FCSK: variants seen among roughly 807,000 people sequenced by gnomAD.
FCSK encodes the protein fucose kinase.
FCSK carries 123 observed loss-of-function variants against 122.5 expected under a neutral mutation model. That is an observed-to-expected ratio of 1.00 (90% CI 0.87 to 1.17). The LOEUF (loss-of-function observed/expected upper bound fraction) is 1.17. Among genes scored for constraint, FCSK ranks in the 50% most tolerant of loss-of-function variants. FCSK has a pLI of 0.00. For synonymous variants in FCSK, 620 were observed against 625.5 expected (o/e 0.99, Z 0.13); for missense variants, 1,366 against 1,450.4 (o/e 0.94, Z 0.95).
chr16:70,460,249 C>A (rs989841934), intron 1 of FCSK, among the ~76,000 whole-genome samples: 5 of 151,166 alleles, frequency 3.3e-5, no homozygotes, highest in African/African-American at 1.2e-4. Context: ...GTAGCTGGGA[C>A]TACAGGCACC....
chr16:70,472,254 T>C (rs1361074138), intron 13 of FCSK, among the ~76,000 whole-genome samples: 1 of 152,116 alleles, frequency 6.6e-6, no homozygotes, highest in Non-Finnish European at 1.5e-5. Flanking sequence ...GGCGGGAGTG[T>C]TGGGGCTGCA....
chr16:70,459,925 C>T (rs577897271), intron 1 of FCSK, among the ~76,000 whole-genome samples: 13 of 151,530 alleles, frequency 8.6e-5, no homozygotes, highest in Non-Finnish European at 1.8e-4. Flanking sequence ...TCTCAGCCTC[C>T]CAAGTAGCTG....
At chr16:70,467,021 T>G in intron 6 of FCSK, 67 bp downstream of exon 6, 2 of 1,475,074 alleles carry the variant, frequency 1.4e-6, no homozygotes, top group Non-Finnish European at 1.9e-6. Flanking sequence ...AGCTCTGCCC[T>G]TCTTGCCCAC....
chr16:70,468,322 A>G (rs535877834), intron 8 of FCSK, among the ~76,000 whole-genome samples: 26 of 152,334 alleles, frequency 1.7e-4, no homozygotes, highest in African/African-American at 6.0e-4. Context: ...TGAGAGGTAG[A>G]GGCTCGAGAA....
At chr16:70,470,513 G>A (rs1423700922) in intron 11 of FCSK, 87 bp downstream of exon 11, 2 of 816,736 alleles carry the variant, frequency 2.4e-6, no homozygotes, top group African/African-American at 3.4e-5. Context: ...GCCGGCACTT[G>A]GAACAGATGA....
chr16:70,471,424 C>A, intron 13 of FCSK, 72 bp downstream of exon 13: 2 of 1,437,044 alleles, frequency 1.4e-6, no homozygotes, highest in Admixed American at 2.2e-5. Context: ...CTGGCCCCCA[C>A]CCCACTGCGG....
chr16:70,477,185 A>AT (rs555886327), intron 20 of FCSK, among the ~76,000 whole-genome samples: 16 of 151,760 alleles, frequency 1.1e-4, no homozygotes, highest in East Asian at 3.9e-4. Context: ...GTTATTTTTA[A>AT]TTTTTTTTTA....
intron 5 of FCSK, chr16:70,466,661 C>T: frequency 1.7e-6 from 1 of 575,394 alleles, no homozygotes; most frequent in Non-Finnish European, 3.1e-6. Context: ...CGCACTACTG[C>T]ACTCCAGCCT....
At position 70,473,730 on chromosome 16, in the gene FCSK, G is replaced by C. The variant is rs932762387; in HGVS notation, c.1777+377G>C. ...TGCATGAGGTCCCAAGCACACTTCC[G>C]GGGGCTCACAGCCTTAGCCTCCTAG... On this transcript the variant is annotated intron_variant, in intron 15 of 23. Transcript: ENST00000288078. This position sits in a 1 kb window ranked among gnomAD's most constrained non-coding sequence, Gnocchi z 4.9. 1.3e-5 allele frequency among the ~76,000 whole-genome samples: 2 copies of C among 152,168 alleles called. No individual in the cohort carries two copies. The highest frequency in any genetic ancestry group is 6.5e-5 in the Admixed American group (1 of 15,276).
At chr16:70,458,950 T>A (rs2048177165) in intron 1 of FCSK, among the ~76,000 whole-genome samples, 1 of 151,726 alleles carries the variant, frequency 6.6e-6, no homozygotes, top group African/African-American at 2.4e-5. Flanking sequence ...TTAATTAAAT[T>A]TAAAAATAAA....
intron 1 of FCSK, among the ~76,000 whole-genome samples, chr16:70,462,760 T>C (rs1482104805): frequency 6.6e-6 from 1 of 152,056 alleles, no homozygotes; most frequent in Non-Finnish European, 1.5e-5. Flanking sequence ...TTCTCCTGCT[T>C]CAGCCTCCCG....
rs749341261 is a variant in FCSK at position 70,478,586 on chromosome 16, T to C, written c.2865T>C (p.Ala955=). Residue 955 remains alanine (A), a synonymous_variant, in exon 22 of 24, where the codon GCT becomes GCC. Transcript: ENST00000288078. ...VLRSWYARLP[A]VVQNAHSLVR... is the part of the protein sequence containing the mutation. ...GGAGCTGGTATGCCCGACTTCCTGC[T>C]GTGGTGCAGAATGCCCACAGCCTGG... 6.2e-7 allele frequency: 1 copy of C among 1,613,814 alleles called. No individual in the cohort carries two copies. The highest frequency in any genetic ancestry group is 1.7e-5 in the Admixed American group (1 of 60,022).
chr16:70,475,359 T>C lies in FCSK; in HGVS notation c.2387T>C (p.Leu796Pro), dbSNP rs756099434. ...GCCTGTCCTTCTGCAGGGGCCCTGC[T>C]GAAGGCGGCCTTCATCTGTGCAGGG... ...YCQPHAPGAL[L>P]KAAFICAGIV... The change falls in exon 19 of 24, where the codon CTG (leucine) becomes CCG (proline). Residue 796 changes from leucine to proline, a missense_variant. Leu to Pro is a moderately conservative substitution (Grantham distance 98, BLOSUM62 -3). Coordinates refer to ENST00000288078, the MANE Select transcript of FCSK (RefSeq NM_145059.3). 1.2e-6 allele frequency: 2 copies of C among 1,610,400 alleles called. No individual in the cohort carries two copies. Among genetic ancestry groups the C allele is most frequent in the Admixed American group, 1.7e-5 (1 of 60,012 alleles).
intron 1 of FCSK, among the ~76,000 whole-genome samples, chr16:70,456,734 G>A (rs896028549): frequency 2.0e-5 from 3 of 152,162 alleles, no homozygotes; most frequent in Admixed American, 6.6e-5. Flanking sequence ...GAGAGGTTAA[G>A]TAACTGCTGG....
intron 20 of FCSK, among the ~76,000 whole-genome samples, chr16:70,476,944 C>T (rs1044004512): frequency 6.6e-6 from 1 of 152,202 alleles, no homozygotes; most frequent in Non-Finnish European, 1.5e-5. Context: ...CTCCTGGAGA[C>T]AGACATTAAT....
intron 12 of FCSK, 48 bp downstream of exon 12, chr16:70,471,120 C>T (rs755717958): frequency 1.4e-5 from 22 of 1,589,950 alleles, no homozygotes; most frequent in Admixed American, 1.0e-4. Flanking sequence ...GCTGGCATCC[C>T]GCATGTGTTG....
chr16:70,468,803 C>T, intron 8 of FCSK, 46 bp from the exon 9 acceptor site: 1 of 1,610,872 alleles, frequency 6.2e-7, no homozygotes, highest in South Asian at 1.1e-5. Context: ...GTACCAGGGC[C>T]TGGTCCAGGG....
At chr16:70,463,859 A>G (rs1249370726) in intron 3 of FCSK, 85 bp downstream of exon 3, 6 of 1,420,752 alleles carry the variant, frequency 4.2e-6, no homozygotes, top group Admixed American at 2.2e-5. Context: ...CTCTGGCTCC[A>G]TCGCCTTGGC....
At chr16:70,475,288 G>A (rs2048769086) in intron 18 of FCSK, 62 bp from the exon 19 acceptor site, 1 of 1,584,340 alleles carries the variant, frequency 6.3e-7, no homozygotes, top group Non-Finnish European at 8.6e-7. Context: ...AGTCCAGGGT[G>A]GGTGGGTGCC....
Sources: allele counts gnomAD v4.1 joint callset (sites outside exome capture counted in the v4.1 genomes callset), GRCh38; gene constraint gnomAD v4.1.1; non-coding constraint Gnocchi (gnomAD v3.1); transcripts MANE v1.5; gene names NCBI Gene and HGNC (gene_info 2026-07-23, HGNC 2026-07-21).